GPC5: variants seen among roughly 807,000 people sequenced by gnomAD.
The protein encoded by GPC5 is glypican-5.
A neutral mutation model predicts 53.9 loss-of-function variants in GPC5; 47 were observed. The observed-to-expected ratio is 0.87, with a 90% CI of 0.69 to 1.11. The LOEUF is 1.11. Among genes scored for constraint, GPC5 ranks in the 50% most tolerant of loss-of-function variants. GPC5 has a pLI of 0.00. For synonymous variants in GPC5, 286 were observed against 263.3 expected (o/e 1.09, Z -0.84); for missense variants, 748 against 713.1 (o/e 1.05, Z -0.56).
chr13:92,493,476 T>C (rs1418753003), intron 7 of GPC5, among the ~76,000 whole-genome samples: 2 of 152,208 alleles, frequency 1.3e-5, no homozygotes, highest in East Asian at 1.9e-4. Flanking sequence ...CTCATTGAAG[T>C]AGTGAGAACG....
chr13:91,838,865 T>A (rs886242930), intron 5 of GPC5, among the ~76,000 whole-genome samples: 1 of 152,170 alleles, frequency 6.6e-6, no homozygotes, highest in Non-Finnish European at 1.5e-5. Context: ...TACTAGTGTA[T>A]GTTTCATTTT....
chr13:91,848,422 G>T (rs2038875920), intron 5 of GPC5, among the ~76,000 whole-genome samples: 1 of 152,192 alleles, frequency 6.6e-6, no homozygotes, highest in Non-Finnish European at 1.5e-5. Context: ...ACCTATGCTA[G>T]TGAGGGAAGA....
At chr13:92,293,249 C>G (rs1403596591) in intron 7 of GPC5, among the ~76,000 whole-genome samples, 1 of 151,702 alleles carries the variant, frequency 6.6e-6, no homozygotes, top group Non-Finnish European at 1.5e-5. Flanking sequence ...TTGTAGATTG[C>G]TTTGGCAGTA....
At chr13:92,141,234 G>A (rs1163195337) in intron 6 of GPC5, among the ~76,000 whole-genome samples, 2 of 152,128 alleles carry the variant, frequency 1.3e-5, no homozygotes, top group African/African-American at 2.4e-5. Flanking sequence ...ATTGAAAAGC[G>A]AGAAAATGAA....
At chr13:92,488,712 A>G (rs545950493) in intron 7 of GPC5, among the ~76,000 whole-genome samples, 1 of 152,316 alleles carries the variant, frequency 6.6e-6, no homozygotes, top group South Asian at 2.1e-4. Context: ...TCACAGCGAT[A>G]CTGTGTCGTA....
At chr13:92,743,580 T>C (rs368718623) in intron 7 of GPC5, among the ~76,000 whole-genome samples, 2 of 152,168 alleles carry the variant, frequency 1.3e-5, no homozygotes, top group African/African-American at 4.8e-5. Flanking sequence ...CCTTTATTTC[T>C]TTCTCCTGCC....
intron 2 of GPC5, among the ~76,000 whole-genome samples, chr13:91,649,110 C>T (rs1244959519): frequency 1.3e-5 from 2 of 152,160 alleles, no homozygotes; most frequent in Non-Finnish European, 2.9e-5. Context: ...ATCCTTCCTG[C>T]CACCGTGTGA....
chr13:92,704,798 T>TAC (rs555429694), intron 7 of GPC5, among the ~76,000 whole-genome samples: 627 of 149,734 alleles, frequency 4.2e-3, no homozygotes, highest in Non-Finnish European at 7.0e-3. Context: ...TATATACATA[T>TAC]ACACACACAC....
At chr13:91,813,212 T>A (rs1424804109) in intron 5 of GPC5, among the ~76,000 whole-genome samples, 1 of 152,226 alleles carries the variant, frequency 6.6e-6, no homozygotes, top group African/African-American at 2.4e-5. Context: ...TATGTGTGCA[T>A]GTTTATTTTT....
intron 5 of GPC5, among the ~76,000 whole-genome samples, chr13:91,903,935 T>TA (rs994270684): frequency 6.6e-6 from 1 of 151,996 alleles, no homozygotes; most frequent in African/African-American, 2.4e-5. Flanking sequence ...ATAGCTTAAT[T>TA]AAAATTAAGA....
At chr13:91,905,497 G>A (rs4773652) in intron 5 of GPC5, among the ~76,000 whole-genome samples, 109,347 of 151,930 alleles carry the variant, frequency 0.72, 39,960 homozygotes, top group East Asian at 0.96. Context: ...CAAAAGATGT[G>A]TTAATATTAT....
At chr13:91,820,039 A>G (rs2038465938) in intron 5 of GPC5, among the ~76,000 whole-genome samples, 1 of 151,838 alleles carries the variant, frequency 6.6e-6, no homozygotes, top group Non-Finnish European at 1.5e-5. Flanking sequence ...TATTTTGCCC[A>G]TTTTTCATTT....
intron 7 of GPC5, among the ~76,000 whole-genome samples, chr13:92,707,685 C>T (rs1887997718): frequency 6.6e-6 from 1 of 151,816 alleles, no homozygotes; most frequent in South Asian, 2.1e-4. Flanking sequence ...AAGGAAAGAC[C>T]AGCCAGGTTG....
At chr13:92,164,834 C>T (rs1295274861) in intron 7 of GPC5, among the ~76,000 whole-genome samples, 1 of 152,216 alleles carries the variant, frequency 6.6e-6, no homozygotes, top group Admixed American at 6.5e-5. Flanking sequence ...CATTTCTGTA[C>T]ATCCTCTGAA....
At chr13:91,650,278 C>G (rs2034666090) in intron 2 of GPC5, among the ~76,000 whole-genome samples, 1 of 152,136 alleles carries the variant, frequency 6.6e-6, no homozygotes, top group African/African-American at 2.4e-5. Context: ...ATATACCCAT[C>G]TCTCACTTGT....
chr13:92,342,459 G>T (rs907379844), intron 7 of GPC5, among the ~76,000 whole-genome samples: 1 of 151,932 alleles, frequency 6.6e-6, no homozygotes, highest in South Asian at 2.1e-4. Context: ...TGAGTCCTCC[G>T]CCCTCATGAA....
At chr13:91,633,212 C>T (rs1463059157) in intron 2 of GPC5, among the ~76,000 whole-genome samples, 1 of 152,184 alleles carries the variant, frequency 6.6e-6, no homozygotes, top group Admixed American at 6.6e-5. Flanking sequence ...TAAGGGCCCA[C>T]TGTACCCTCT....
intron 7 of GPC5, among the ~76,000 whole-genome samples, chr13:92,520,746 A>G (rs963759120): frequency 6.6e-6 from 1 of 152,020 alleles, no homozygotes; most frequent in Non-Finnish European, 1.5e-5. Context: ...TCTCTCACCA[A>G]TCCTGTTCAA....
At chr13:92,483,067 C>T (rs1879417832) in intron 7 of GPC5, among the ~76,000 whole-genome samples, 1 of 152,148 alleles carries the variant, frequency 6.6e-6, no homozygotes, top group South Asian at 2.1e-4. Context: ...CAGATTGAGA[C>T]TTATTCACTA....
Sources: allele counts gnomAD v4.1 joint callset (sites outside exome capture counted in the v4.1 genomes callset), GRCh38; gene constraint gnomAD v4.1.1; transcripts MANE v1.5; gene names NCBI Gene and HGNC (gene_info 2026-07-23, HGNC 2026-07-21).